The following DGKB variants were observed in gnomAD, a reference collection of about 807,000 sequenced individuals.
DGKB encodes 90 kDa diacylglycerol kinase.
DGKB carries 67 observed loss-of-function variants against 114.3 expected under a neutral mutation model. The observed-to-expected ratio is 0.59, with a 90% confidence interval of 0.48 to 0.72. DGKB has a LOEUF of 0.72. Ranked by LOEUF, DGKB falls within the 30% of genes least tolerant of loss-of-function variation. The pLI is 0.00. For missense variants in DGKB, 907 were observed against 975.2 expected, an observed-to-expected ratio of 0.93 and a Z score of 0.93; for synonymous variants, 398 against 323.1, an observed-to-expected ratio of 1.23 and a Z score of -2.49.
intron 15 of DGKB, among the ~76,000 whole-genome samples, chr7:14,618,119 T>TAC (rs59901892): frequency 0.26 from 39,342 of 148,660 alleles, 5,911 homozygotes; most frequent in East Asian, 0.68. Context: ...GCAAAGGACA[T>TAC]ACACACACAC....
chr7:14,943,776 G>A (rs564698075), intron 1 of DGKB, among the ~76,000 whole-genome samples: 1 of 151,892 alleles, frequency 6.6e-6, no homozygotes, highest in South Asian at 2.1e-4. Flanking sequence ...TAACATATTA[G>A]TTATATTAAA....
chr7:14,920,916 T>C (rs1221033390), intron 1 of DGKB, among the ~76,000 whole-genome samples: 5 of 151,794 alleles, frequency 3.3e-5, no homozygotes, highest in Admixed American at 2.0e-4. Flanking sequence ...TTACATTTTC[T>C]TTTTAAATTA....
intron 14 of DGKB, 67 bp from the exon 15 acceptor site, chr7:14,621,561 T>C: frequency 2.1e-6 from 2 of 958,446 alleles, no homozygotes; most frequent in Non-Finnish European, 3.1e-6. Context: ...GTTAAGTTGT[T>C]TTTACTAATA....
At chr7:14,355,061 G>C (rs1299631215) in intron 21 of DGKB, among the ~76,000 whole-genome samples, 1 of 152,152 alleles carries the variant, frequency 6.6e-6, no homozygotes, top group Non-Finnish European at 1.5e-5. Flanking sequence ...TGTTGAGCTA[G>C]ACAGCAAATA....
rs1264418402 is a variant in DGKB, at chr7:14,385,685, A to T, written c.1836-40294T>A. On this transcript the variant is annotated intron_variant, in intron 21 of 25. Coordinates refer to ENST00000402815, the MANE Select transcript of DGKB (RefSeq NM_001350709.2). The stretch of plus-strand genomic sequence containing the variant: ...TGATCAAATGCATAAAGCAAAATGT[A>T]TAGGGTATCAAATAAATTGCATTGA... Among the ~76,000 whole-genome samples, 106 of 152,234 alleles carry T rather than the reference A, an allele frequency of 7.0e-4. 2 individuals are homozygous for T. Among genetic ancestry groups the T allele is most frequent in the Admixed American group, 6.9e-3 (106 of 15,278 alleles).
intron 12 of DGKB, among the ~76,000 whole-genome samples, chr7:14,675,621 G>A (rs952078662): frequency 2.0e-5 from 3 of 151,404 alleles, no homozygotes; most frequent in Non-Finnish European, 4.4e-5. Flanking sequence ...ATCTAGTATG[G>A]GATTTCCCAG....
chr7:14,728,245 C>G (rs1830311479), intron 5 of DGKB, among the ~76,000 whole-genome samples: 1 of 152,124 alleles, frequency 6.6e-6, no homozygotes, highest in Non-Finnish European at 1.5e-5. Flanking sequence ...CTTCTGGACC[C>G]TTTTATACCG....
At chr7:14,259,379 T>TTCTCTCTC (rs752185464) in intron 23 of DGKB, among the ~76,000 whole-genome samples, 1 of 142,382 alleles carries the variant, frequency 7.0e-6, no homozygotes, top group Non-Finnish European at 1.5e-5. Flanking sequence ...CTAGTAAAGT[T>TTCTCTCTC]TCTCTCTCTC....
chr7:14,491,083 T>G (rs763889558), intron 20 of DGKB, among the ~76,000 whole-genome samples: 3 of 152,042 alleles, frequency 2.0e-5, no homozygotes, highest in Non-Finnish European at 4.4e-5. Flanking sequence ...CTTTAAACTC[T>G]CAATCCATGA....
intron 23 of DGKB, among the ~76,000 whole-genome samples, chr7:14,289,668 A>AT (rs1562850360): frequency 6.6e-6 from 1 of 150,790 alleles, no homozygotes; most frequent in Non-Finnish European, 1.5e-5. Flanking sequence ...TCTTGGTTTC[A>AT]TTTTTTAAAA....
intron 6 of DGKB, among the ~76,000 whole-genome samples, chr7:14,704,935 G>A (rs969360433): frequency 6.6e-6 from 1 of 152,240 alleles, no homozygotes. Context: ...AAGGAACGCA[G>A]CTCCTCACCA....
chr7:14,560,603 A>T (rs143431956), intron 20 of DGKB, among the ~76,000 whole-genome samples: 115 of 152,284 alleles, frequency 7.6e-4, no homozygotes, highest in African/African-American at 2.4e-3. Flanking sequence ...TTATCCATTC[A>T]TCTGTGGTTG....
chr7:14,596,824 C>A (rs995523728), intron 17 of DGKB, among the ~76,000 whole-genome samples: 2 of 152,094 alleles, frequency 1.3e-5, no homozygotes, highest in African/African-American at 4.8e-5. Flanking sequence ...GATATATTTG[C>A]CTCTCTATGC....
At chr7:14,598,822 C>A (rs986578250) in intron 17 of DGKB, among the ~76,000 whole-genome samples, 1 of 152,092 alleles carries the variant, frequency 6.6e-6, no homozygotes, top group South Asian at 2.1e-4. Context: ...TAAAACTGCT[C>A]ATGCTCTTTT....
At chr7:14,453,149 A>T (rs1021673127) in intron 21 of DGKB, among the ~76,000 whole-genome samples, 23 of 152,112 alleles carry the variant, frequency 1.5e-4, no homozygotes, top group African/African-American at 5.6e-4. Flanking sequence ...AGTAAGAACC[A>T]TTATTGGGTC....
intron 2 of DGKB, among the ~76,000 whole-genome samples, chr7:14,799,178 G>A (rs533386518): frequency 6.6e-6 from 1 of 152,290 alleles, no homozygotes; most frequent in East Asian, 1.9e-4. Context: ...AACATCTCCT[G>A]GTACCTGGTA....
At chr7:14,831,855 C>T (rs557005787) in intron 2 of DGKB, among the ~76,000 whole-genome samples, 5 of 151,926 alleles carry the variant, frequency 3.3e-5, no homozygotes, top group Non-Finnish European at 7.4e-5. Flanking sequence ...CGCTTATTTA[C>T]GTTCCAAGAG....
intron 2 of DGKB, among the ~76,000 whole-genome samples, chr7:14,801,538 A>G (rs1842143839): frequency 6.6e-6 from 1 of 152,070 alleles, no homozygotes; most frequent in Non-Finnish European, 1.5e-5. Flanking sequence ...CATCCAGTCT[A>G]CTCAGAGCTT....
chr7:14,315,449 A>C, intron 23 of DGKB, among the ~76,000 whole-genome samples: 1 of 151,400 alleles, frequency 6.6e-6, no homozygotes, highest in African/African-American at 2.4e-5. Context: ...TCTACCAAGC[A>C]AATGGAAAAC....
Sources: allele counts gnomAD v4.1 joint callset (sites outside exome capture counted in the v4.1 genomes callset), GRCh38; gene constraint gnomAD v4.1.1; transcripts MANE v1.5; gene names NCBI Gene and HGNC (gene_info 2026-07-23, HGNC 2026-07-21).